LNX1: variants seen among roughly 807,000 people sequenced by gnomAD.
The protein encoded by LNX1 is ligand of numb-protein X 1.
In LNX1, 54 loss-of-function variants were observed where a neutral mutation model predicts 68.4. The observed-to-expected ratio is 0.79, with a 90% CI of 0.63 to 0.99. LNX1 has a LOEUF of 0.99. LNX1 is among the 50% of genes least tolerant of loss of function. The probability of loss-of-function intolerance (pLI) is 0.00; values close to 1 mark genes in which losing one functional copy is unlikely to be tolerated. For synonymous variants in LNX1, 336 were observed against 350.0 expected (o/e 0.96, Z 0.45); for missense variants, 906 against 926.4 (o/e 0.98, Z 0.29).
intron 2 of LNX1, among the ~76,000 whole-genome samples, chr4:53,541,050 T>A (rs2109658906): frequency 6.8e-6 from 1 of 147,046 alleles, no homozygotes; most frequent in Middle Eastern, 3.8e-3. Flanking sequence ...GGCAGGAGAA[T>A]CCCTTGAACC....
At chr4:53,524,850 A>G (rs1457732227) in intron 2 of LNX1, among the ~76,000 whole-genome samples, 10 of 152,212 alleles carry the variant, frequency 6.6e-5, no homozygotes, top group Non-Finnish European at 1.2e-4. Flanking sequence ...AAGAGGAAGG[A>G]ACCCTTTCTT....
upstream of LNX1, among the ~76,000 whole-genome samples, chr4:53,596,057 A>T (rs1732738620): frequency 6.6e-6 from 1 of 152,192 alleles, no homozygotes; most frequent in Non-Finnish European, 1.5e-5. Flanking sequence ...ATTGGCCGTA[A>T]TTACTTTTTT....
intron 1 of LNX1, among the ~76,000 whole-genome samples, chr4:53,649,040 C>T (rs1469076701): frequency 6.6e-6 from 1 of 152,100 alleles, no homozygotes. Context: ...AATTATGGTG[C>T]CTGTAACCCA....
intron 2 of LNX1, among the ~76,000 whole-genome samples, chr4:53,514,935 A>G (rs1050497502): frequency 6.6e-6 from 1 of 152,236 alleles, no homozygotes; most frequent in African/African-American, 2.4e-5. Context: ...ATTTTAAAAA[A>G]TATTTAATTG....
intron 1 of LNX1, chr4:53,579,346 T>C: frequency 2.4e-6 from 2 of 819,850 alleles, no homozygotes; most frequent in Non-Finnish European, 1.5e-6. Context: ...TGATCTGGAA[T>C]AGGACAGAAA....
At chr4:53,607,490 T>C (rs1391820880) in intron 2 of LNX1, among the ~76,000 whole-genome samples, 1 of 152,232 alleles carries the variant, frequency 6.6e-6, no homozygotes, top group East Asian at 1.9e-4. Flanking sequence ...AAGCATTCCA[T>C]GTTCATAGAT....
intron 2 of LNX1, among the ~76,000 whole-genome samples, chr4:53,600,383 T>A (rs1732947635): frequency 6.6e-6 from 1 of 152,124 alleles, no homozygotes; most frequent in Non-Finnish European, 1.5e-5. Context: ...CCTACTCAGG[T>A]ACGAGAAGCA....
In LNX1 at chr4:53,573,979, G is replaced by A. The variant is rs377691085; in HGVS notation, c.24C>T (p.Asn8=). MNQPESA[N]DPEPLCAVCG... ...ACACTGCACACAGGGGTTCAGGATCGTTGGCAGACTCTGGCTGGTTCATGA... is the reference window on the plus strand; with the variant it reads ...ACACTGCACACAGGGGTTCAGGATCATTGGCAGACTCTGGCTGGTTCATGA... Residue 8 remains asparagine (N), a synonymous_variant, in exon 2 of 11, where the codon AAC becomes AAT. Coordinates refer to ENST00000263925, the MANE Select transcript of LNX1 (RefSeq NM_001126328.3). 179 of 1,612,634 alleles carry A rather than the reference G, an allele frequency of 1.1e-4. No individual in the cohort carries two copies. The highest frequency in any genetic ancestry group is 1.3e-4 in the Non-Finnish European group (149 of 1,179,154).
intron 9 of LNX1, among the ~76,000 whole-genome samples, chr4:53,464,184 C>T (rs1265074952): frequency 6.6e-6 from 1 of 152,018 alleles, no homozygotes; most frequent in Non-Finnish European, 1.5e-5. Context: ...TTTTGCTAGC[C>T]CTGTGTTCAG....
At chr4:53,644,560 T>C (rs1330145542) in intron 1 of LNX1, among the ~76,000 whole-genome samples, 2 of 152,230 alleles carry the variant, frequency 1.3e-5, no homozygotes, top group Non-Finnish European at 2.9e-5. Context: ...ATAAGAAATT[T>C]ACACAATGAA....
chr4:53,536,674 C>A (rs1444349373), intron 2 of LNX1, among the ~76,000 whole-genome samples: 2 of 152,206 alleles, frequency 1.3e-5, no homozygotes, highest in African/African-American at 4.8e-5. Context: ...ACAGCTTCCT[C>A]AAATGAATGC....
intron 2 of LNX1, among the ~76,000 whole-genome samples, chr4:53,512,477 A>T (rs1579443544): frequency 1.1e-5 from 1 of 94,506 alleles, no homozygotes; most frequent in Non-Finnish European, 2.1e-5. Flanking sequence ...CTTCCTCCCT[A>T]CCCAGTGTTT....
At chr4:53,540,754 C>G (rs548625241) in intron 2 of LNX1, among the ~76,000 whole-genome samples, 1 of 152,112 alleles carries the variant, frequency 6.6e-6, no homozygotes, top group Non-Finnish European at 1.5e-5. Context: ...GTGTAGACAT[C>G]GACACAGTGC....
intron 2 of LNX1, among the ~76,000 whole-genome samples, chr4:53,554,230 C>G (rs1051452408): frequency 2.6e-5 from 4 of 152,224 alleles, no homozygotes; most frequent in Non-Finnish European, 2.9e-5. Context: ...TGCCACTGGA[C>G]TCTCTCCCCT....
chr4:53,553,098 C>T (rs1469100867), intron 2 of LNX1, among the ~76,000 whole-genome samples: 1 of 152,068 alleles, frequency 6.6e-6, no homozygotes, highest in East Asian at 1.9e-4. Context: ...TTAATTCTGC[C>T]CTGACCTGTG....
intron 1 of LNX1, among the ~76,000 whole-genome samples, chr4:53,649,006 C>T (rs1734993536): frequency 6.6e-6 from 1 of 152,096 alleles, no homozygotes. Flanking sequence ...ATGCTGGGAC[C>T]TTTGGAGGCT....
upstream of LNX1, among the ~76,000 whole-genome samples, chr4:53,620,631 A>C (rs1733836184): frequency 6.6e-6 from 1 of 152,210 alleles, no homozygotes; most frequent in African/African-American, 2.4e-5. Flanking sequence ...GATGCACTGA[A>C]GTCCCGGATT....
At chr4:53,550,179 C>A (rs575493158) in intron 2 of LNX1, among the ~76,000 whole-genome samples, 1 of 152,178 alleles carries the variant, frequency 6.6e-6, no homozygotes, top group Non-Finnish European at 1.5e-5. Flanking sequence ...GAGGGCCATG[C>A]GGCTTCAATT....
intron 4 of LNX1, among the ~76,000 whole-genome samples, chr4:53,501,299 T>TTTTG (rs56165716): frequency 1.5e-4 from 6 of 38,792 alleles, no homozygotes; most frequent in Non-Finnish European, 2.1e-4. Flanking sequence ...TTTTTTTTTT[T>TTTTG]GGGGGTGGGG....
Sources: gnomAD v4.1 joint callset for allele counts (sites outside exome capture counted in the v4.1 genomes callset) on GRCh38, gnomAD v4.1.1 for gene constraint, MANE v1.5 for transcripts, NCBI Gene and HGNC (gene_info 2026-07-23, HGNC 2026-07-21) for gene names.